Variants in TENM2 observed in about 807,000 individuals in gnomAD.
The protein encoded by TENM2 is teneurin-2.
A neutral mutation model predicts 245.2 loss-of-function variants in TENM2; 52 were observed. That is an observed-to-expected ratio of 0.21 (90% CI 0.17 to 0.27). The LOEUF is 0.27. Ranked by LOEUF, TENM2 falls within the 10% of genes least tolerant of loss-of-function variation. TENM2 has a pLI of 1.00. For missense variants in TENM2, 3,046 were observed against 3,666.8 expected, an observed-to-expected ratio of 0.83 and a Z score of 4.37; for synonymous variants, 1,363 against 1,438.9, an observed-to-expected ratio of 0.95 and a Z score of 1.19.
At chr5:167,599,425 G>A (rs1776453757) in intron 2 of TENM2, among the ~76,000 whole-genome samples, 1 of 152,052 alleles carries the variant, frequency 6.6e-6, no homozygotes, top group African/African-American at 2.4e-5. Context: ...CTCAAGTGCT[G>A]TTTCTTCCAC....
chr5:167,787,362 A>C (rs967722517), intron 2 of TENM2, among the ~76,000 whole-genome samples: 8 of 152,242 alleles, frequency 5.3e-5, no homozygotes, highest in Non-Finnish European at 1.0e-4. Context: ...ATTGCAAATG[A>C]AAGAATTCTG....
At chr5:167,097,133 C>T in the TENM2 span, among the ~76,000 whole-genome samples, 1 of 152,078 alleles carries the variant, frequency 6.6e-6, no homozygotes, top group Non-Finnish European at 1.5e-5. Context: ...AAGGCATTGG[C>T]TTGTCAGTGG....
intron 2 of TENM2, among the ~76,000 whole-genome samples, chr5:167,448,462 T>C (rs1765365154): frequency 6.6e-6 from 1 of 150,804 alleles, no homozygotes; most frequent in Admixed American, 6.7e-5. Flanking sequence ...AAACTAAACA[T>C]AACGGATGCA....
chr5:167,490,225 C>G (rs77460798), intron 2 of TENM2, among the ~76,000 whole-genome samples: 3,148 of 152,184 alleles, frequency 0.021, 58 homozygotes, highest in Non-Finnish European at 0.03. Flanking sequence ...AAATTCTTGT[C>G]AACTTGATCC....
chr5:167,799,973 C>T (rs763415882), intron 2 of TENM2, among the ~76,000 whole-genome samples: 17 of 152,266 alleles, frequency 1.1e-4, no homozygotes, highest in Middle Eastern at 6.8e-3. Context: ...CTAACTATCC[C>T]GTGTCATAGC....
chr5:167,144,205 G>C, the TENM2 span, among the ~76,000 whole-genome samples: 2 of 152,174 alleles, frequency 1.3e-5, no homozygotes, highest in South Asian at 2.1e-4. Context: ...TGGTGGGAGC[G>C]GTTCGCATTT....
the TENM2 span, among the ~76,000 whole-genome samples, chr5:167,233,011 G>A: frequency 2.1e-5 from 3 of 143,092 alleles, no homozygotes; most frequent in African/African-American, 8.3e-5. Flanking sequence ...CAACTACTTG[G>A]ACAGACAGGA....
chr5:167,584,669 C>T (rs371039553), intron 2 of TENM2, among the ~76,000 whole-genome samples: 5 of 151,624 alleles, frequency 3.3e-5, no homozygotes, highest in African/African-American at 9.7e-5. Flanking sequence ...CGTATTCTCC[C>T]GCCTCACACC....
chr5:167,585,723 TAATC>T (rs1467248123), intron 2 of TENM2, among the ~76,000 whole-genome samples: 1 of 152,104 alleles, frequency 6.6e-6, no homozygotes, highest in African/African-American at 2.4e-5. Flanking sequence ...ATAAAAATGT[TAATC>T]AAATAATAAA....
At chr5:167,562,139 C>G (rs1350072476) in intron 2 of TENM2, among the ~76,000 whole-genome samples, 1 of 152,200 alleles carries the variant, frequency 6.6e-6, no homozygotes, top group Non-Finnish European at 1.5e-5. Flanking sequence ...TCAGGGCACA[C>G]CATCCATCAG....
intron 5 of TENM2, among the ~76,000 whole-genome samples, chr5:168,026,432 G>A (rs1266659508): frequency 1.3e-5 from 2 of 152,220 alleles, no homozygotes; most frequent in African/African-American, 4.8e-5. Context: ...GAAAGTGATA[G>A]TATTTTTAGG....
At chr5:167,142,006 TG>T in the TENM2 span, among the ~76,000 whole-genome samples, 1 of 151,960 alleles carries the variant, frequency 6.6e-6, no homozygotes, top group South Asian at 2.1e-4. Context: ...AATATCTTCA[TG>T]AAGTGGCAAA....
intron 2 of TENM2, among the ~76,000 whole-genome samples, chr5:167,799,944 C>T (rs1295627093): frequency 6.6e-6 from 1 of 152,156 alleles, no homozygotes; most frequent in Non-Finnish European, 1.5e-5. Flanking sequence ...TGGGGTAGGC[C>T]CTAGGCATGT....
intron 1 of TENM2, among the ~76,000 whole-genome samples, chr5:167,371,619 C>T (rs1760444245): frequency 6.6e-6 from 1 of 152,042 alleles, no homozygotes; most frequent in African/African-American, 2.4e-5. Context: ...CCTCGGCCTC[C>T]CAAAGTGCTA....
chr5:168,019,882 C>G (rs1392838006), intron 5 of TENM2, among the ~76,000 whole-genome samples: 2 of 152,194 alleles, frequency 1.3e-5, no homozygotes, highest in African/African-American at 2.4e-5. Flanking sequence ...TAAAAGCACC[C>G]ACTTCTTCTC....
At chr5:167,924,773 T>G (rs1315169644) in intron 3 of TENM2, among the ~76,000 whole-genome samples, 1 of 152,148 alleles carries the variant, frequency 6.6e-6, no homozygotes, top group East Asian at 1.9e-4. Flanking sequence ...TAATCCATAT[T>G]ACAAAATGTG....
chr5:167,534,622 G>A (rs1331653706), intron 2 of TENM2, among the ~76,000 whole-genome samples: 2 of 152,156 alleles, frequency 1.3e-5, no homozygotes, highest in Non-Finnish European at 2.9e-5. Context: ...TTTATTCAGC[G>A]AGAACCATTT....
intron 2 of TENM2, among the ~76,000 whole-genome samples, chr5:167,701,967 A>C (rs1456737021): frequency 1.3e-5 from 2 of 152,120 alleles, no homozygotes; most frequent in African/African-American, 4.8e-5. Flanking sequence ...TGTTTTGGCA[A>C]GTAGAGGTAT....
At chr5:167,788,792 C>T (rs764516834) in intron 2 of TENM2, among the ~76,000 whole-genome samples, 3 of 152,182 alleles carry the variant, frequency 2.0e-5, no homozygotes, top group Non-Finnish European at 4.4e-5. Context: ...GCTTCCTCTC[C>T]ATTCAGCCAT....
Sources: allele counts gnomAD v4.1 joint callset (sites outside exome capture counted in the v4.1 genomes callset), GRCh38; gene constraint gnomAD v4.1.1; transcripts MANE v1.5; gene names NCBI Gene and HGNC (gene_info 2026-07-23, HGNC 2026-07-21).